ALOX12: variants seen among roughly 807,000 people sequenced by gnomAD.
ALOX12 encodes polyunsaturated fatty acid lipoxygenase ALOX12.
Under a neutral mutation model 85.5 loss-of-function variants are expected in ALOX12, and 62 were observed. That is an observed-to-expected ratio of 0.73 (90% confidence interval 0.59 to 0.90). ALOX12 has a LOEUF of 0.90. Ranked by LOEUF, ALOX12 falls within the 40% of genes least tolerant of loss-of-function variation. The pLI is 0.00. For synonymous variants in ALOX12, 299 were observed against 332.7 expected (o/e 0.90, Z 1.10); for missense variants, 751 against 856.5 (o/e 0.88, Z 1.54).
intron 7 of ALOX12, 111 bp from the exon 8 acceptor site, chr17:7,001,491 C>T: frequency 1.7e-6 from 2 of 1,150,310 alleles, no homozygotes; most frequent in South Asian, 1.4e-5. Context: ...TCCTGCTAGA[C>T]TATAACCTCC....
rs780097791 is a variant in ALOX12 at position 7,005,995 on chromosome 17, T to C, written c.1386T>C (p.His462=). The C allele has an allele frequency of 3.9e-6, 6 of 1,558,024 alleles. No homozygotes were observed. The highest frequency in any genetic ancestry group is 5.2e-6 in the Non-Finnish European group (6 of 1,152,644). Residue 462 remains histidine (H), a synonymous_variant, in exon 10 of 14, where the codon CAT becomes CAC. Transcript: ENST00000251535. ...GACTCCCAGGTGCTCTCTATGCCCA[T>C]GATGCTTTACGGCTCTGGGAGATCA... The part of the protein sequence containing the change: ...LLGLPGALYA[H]DALRLWEIIA...
rs140442741 is a variant in ALOX12 at position 7,000,250 on chromosome 17, G to A, written c.808-86G>A. 17 of 1,489,838 alleles carry A rather than the reference G, an allele frequency of 1.1e-5. 1 individual carries two copies. Among genetic ancestry groups the A allele is most frequent in the Admixed American group, 5.4e-5 (3 of 56,064 alleles). The allele number at this position is 1,489,838 out of a possible 1,614,324, so 92.3% of individuals were successfully genotyped here. On this transcript the variant is annotated intron_variant, in intron 6 of 13. Coordinates refer to ENST00000251535, the MANE Select transcript of ALOX12 (RefSeq NM_000697.3). This position sits in a 1 kb window ranked among gnomAD's most constrained non-coding sequence, Gnocchi z 4.6. ...TACTGATGCAGGAGAATGGCAAGAA[G>A]CTAGACTAAATCTCTTGCCCTTTGC... is the stretch of plus-strand genomic sequence containing the variant.
intron 8 of ALOX12, among the ~76,000 whole-genome samples, chr17:7,004,632 G>C (rs1024454531): frequency 1.4e-4 from 22 of 151,976 alleles, no homozygotes; most frequent in Non-Finnish European, 2.5e-4. Flanking sequence ...TTAAGTAGGG[G>C]TGGAGAAAGA....
Position 7,005,941 on chromosome 17 carries a change from T to C in ALOX12, c.1332T>C (p.Pro444=). 6.2e-7 allele frequency: 1 copy of C among 1,613,364 alleles called. No individual in the cohort carries two copies. Among genetic ancestry groups the C allele is most frequent in the African/African-American group, 1.3e-5 (1 of 74,836 alleles). The change falls in exon 10 of 14, where the codon CCT becomes CCC. Residue 444 remains proline (P), a synonymous_variant. Coordinates refer to ENST00000251535, the MANE Select transcript of ALOX12 (RefSeq NM_000697.3). ...TGACCTACTGCTCCCTCTGTCCTCC[T>C]GACGACCTGGCTGACCGGGGCCTGC... The part of the protein sequence containing the change: ...AQLTYCSLCP[P]DDLADRGLLG...
In ALOX12 at chr17:7,010,115, C is replaced by T. The variant is rs1448183161; in HGVS notation, c.1801C>T (p.Gln601Ter). Reference protein sequence around the residue: ...MAISWHLSRRQPDMVPLGHHK... With the variant: ...MAISWHLSRR The stretch of plus-strand genomic sequence containing the variant: ...CATCTCATGGCATCTGAGTCGCCGC[C>T]AGCCAGACATGGTGAGAGGGGACTC... The change falls in exon 13 of 14, where the codon CAG becomes TAG. Residue 601 changes from glutamine (Q) to a stop codon, truncating the protein, a stop_gained. Coordinates refer to ENST00000251535, the MANE Select transcript of ALOX12 (RefSeq NM_000697.3). LOFTEE classifies it high-confidence loss of function. 4.3e-6 allele frequency: 7 copies of T among 1,611,882 alleles called. No individual in the cohort carries two copies. The highest frequency in any genetic ancestry group is 5.9e-6 in the Non-Finnish European group (7 of 1,178,604).
At chr17:6,997,107 C>G (rs1908486155) in intron 2 of ALOX12, 80 bp downstream of exon 2, 1 of 1,464,778 alleles carries the variant, frequency 6.8e-7, no homozygotes, top group Admixed American at 2.2e-5. Context: ...TAAGGACGGT[C>G]GGAGCAGACT....
chr17:7,010,642 T>C lies in ALOX12; in HGVS notation c.*219T>C, dbSNP rs538434135. The C allele has an allele frequency of 1.0e-4, 52 of 496,174 alleles. No individual in the cohort carries two copies. Among genetic ancestry groups the C allele is most frequent in the Admixed American group, 5.1e-4 (14 of 27,228 alleles). 30.7% of individuals were successfully genotyped at this position (496,174 alleles called of 1,614,324 possible). A position where few individuals can be genotyped will look rare whatever the true frequency, so the allele number is the denominator to read the frequency against. ...CTTTGCAGACCGCATAGTCACTGTCTCAACTACTCAGCTCTCCTGCTGCAG... is the reference window on the plus strand; with the variant it reads ...CTTTGCAGACCGCATAGTCACTGTCCCAACTACTCAGCTCTCCTGCTGCAG... On this transcript the variant is annotated 3_prime_UTR_variant, in exon 14 of 14. Transcript: ENST00000251535.
rs1908672000 is a variant in ALOX12, at chr17:7,000,861, C to T, written c.951+382C>T. The stretch of plus-strand genomic sequence containing the variant: ...CAAAGTGATGCTGACACTACCAGTT[C>T]AGGACTACACTTTCAGAATCACTAT... On this transcript the variant is annotated intron_variant, in intron 7 of 13. Transcript: ENST00000251535. This position sits in a 1 kb window ranked among gnomAD's most constrained non-coding sequence, Gnocchi z 4.6. 1.3e-5 allele frequency among the ~76,000 whole-genome samples: 2 copies of T among 152,172 alleles called. No individual in the cohort carries two copies. The highest frequency in any genetic ancestry group is 1.3e-4 in the Admixed American group (2 of 15,284).
intron 10 of ALOX12, 32 bp downstream of exon 10, chr17:7,006,059 C>CGGGGGGGGGGGGGGG (rs1491546294): frequency 3.7e-5 from 5 of 135,680 alleles, no homozygotes; most frequent in South Asian, 2.4e-4. Flanking sequence ...AATGGTGGGG[C>CGGGGGGGGGGGGGGG]CGGGGGGGGG....
At position 6,998,579 on chromosome 17, in the gene ALOX12, G is replaced by A. The variant is rs755014379; in HGVS notation, c.408G>A (p.Gln136=). 3.7e-6 allele frequency: 6 copies of A among 1,613,522 alleles called. No individual in the cohort carries two copies. In the Admixed American group the frequency reaches 5.0e-5, roughly 13 times the overall value. Residue 136 remains glutamine (Q), a synonymous_variant, in exon 3 of 14, where the codon CAG becomes CAA. Transcript: ENST00000251535. ...GAGAGAAGGAACTGAAAGACAGACAGCAGATCTACTGGTGACCACCCACCC... is the reference window on the plus strand; with the variant it reads ...GAGAGAAGGAACTGAAAGACAGACAACAGATCTACTGGTGACCACCCACCC... ...KHREKELKDR[Q]QIYCWATWKE... is the part of the protein sequence containing the mutation.
At chr17:7,001,855 G>A in intron 8 of ALOX12, 44 bp downstream of exon 8, 2 of 1,546,254 alleles carry the variant, frequency 1.3e-6, no homozygotes, top group Non-Finnish European at 1.8e-6. Flanking sequence ...AGACCCCAGA[G>A]AGAGGAACAG....
intron 11 of ALOX12, 140 bp from the exon 12 acceptor site, chr17:7,009,607 T>G: frequency 1.3e-6 from 1 of 759,692 alleles, no homozygotes; most frequent in Non-Finnish European, 2.2e-6. Context: ...GAGCCAGGAC[T>G]TAAACGCATG....
At position 7,010,534 on chromosome 17, in the gene ALOX12, C is replaced by G; in HGVS notation, c.*111C>G. The G allele has an allele frequency of 7.7e-7, 1 of 1,290,978 alleles. No individual in the cohort carries two copies. The highest frequency in any genetic ancestry group is 1.0e-6 in the Non-Finnish European group (1 of 956,080). The allele number at this position is 1,290,978 out of a possible 1,614,324, so 80.0% of individuals were successfully genotyped here. ...CTGCTGCTAAGGCTCTATTTCCTCC[C>G]CCAGTTAAACCCCCTACATTAGTAT... On this transcript the variant is annotated 3_prime_UTR_variant, in exon 14 of 14. Transcript: ENST00000251535.
rs1266734057 is a variant in ALOX12 at position 7,001,438 on chromosome 17, G to A, written c.952-164G>A. 4 of 702,820 alleles carry A rather than the reference G, an allele frequency of 5.7e-6. 1 individual carries two copies. The highest frequency in any genetic ancestry group is 8.3e-4 in the Middle Eastern group (2 of 2,412). The allele number at this position is 702,820 out of a possible 1,614,324, so 43.5% of individuals were successfully genotyped here. ...CTCCTGCCTTCCACCTGACATCAGG[G>A]CACTCCAGCTAGCGAGCGGCAGGCT... On this transcript the variant is annotated intron_variant, in intron 7 of 13. Transcript: ENST00000251535.
At position 7,002,428 on chromosome 17, in the gene ALOX12, G is replaced by T. The variant is rs973234580; in HGVS notation, c.1161+617G>T. 6.7e-5 allele frequency: 31 copies of T among 461,028 alleles called. No individual in the cohort carries two copies. In the Admixed American group the frequency reaches 7.7e-4, roughly 11 times the overall value. 28.6% of individuals were successfully genotyped at this position (461,028 alleles called of 1,614,324 possible). A position where few individuals can be genotyped will look rare whatever the true frequency, so the allele number is the denominator to read the frequency against. Reference sequence around the variant, plus strand: ...CTGGGTGCAAGAGAGAGAAAAGCCAGAAGTCCAAGCTTCTGCCACACCTGT... The same window carrying T: ...CTGGGTGCAAGAGAGAGAAAAGCCATAAGTCCAAGCTTCTGCCACACCTGT... On this transcript the variant is annotated intron_variant, in intron 8 of 13. Transcript: ENST00000251535.
intron 11 of ALOX12, among the ~76,000 whole-genome samples, chr17:7,008,548 C>T (rs749512724): frequency 2.0e-5 from 3 of 152,184 alleles, no homozygotes; most frequent in Non-Finnish European, 4.4e-5. Flanking sequence ...GAGTTCCAGA[C>T]CAGCCTAGCC....
At position 7,006,061 on chromosome 17, in the gene ALOX12, G is replaced by GTT. The variant is rs768803844; in HGVS notation, c.1418+34_1418+35insTT. 43 of 146,500 alleles carry GTT rather than the reference G, an allele frequency of 2.9e-4. 6 individuals carry two copies. Among genetic ancestry groups the GTT allele is most frequent in the South Asian group, 6.1e-4 (13 of 21,218 alleles). 9.1% of individuals were successfully genotyped at this position (146,500 alleles called of 1,614,324 possible). ...GGAGGAGCTGAGAAATGGTGGGGCC[G>GTT]GGGGGGGGGGGGGCTCTGGCCTGAG... On this transcript the variant is annotated intron_variant, in intron 10 of 13. Coordinates refer to ENST00000251535, the MANE Select transcript of ALOX12 (RefSeq NM_000697.3).
rs763387284 is a variant in ALOX12 at position 7,000,439 on chromosome 17, A to T, written c.911A>T (p.Lys304Met). 10 of 1,614,116 alleles carry T rather than the reference A, an allele frequency of 6.2e-6. No individual in the cohort carries two copies. Among genetic ancestry groups the T allele is most frequent in the Non-Finnish European group, 8.5e-6 (10 of 1,180,004 alleles). ...CTGGCTGCCCCCCTCGTTATGCTGA[A>T]GATGGAGCCCAATGGGAAGCTGCAG... Reference protein sequence around the residue: ...QYLAAPLVMLKMEPNGKLQPM... With the variant: ...QYLAAPLVMLMMEPNGKLQPM... Residue 304 changes from lysine (K) to methionine (M), a missense_variant, in exon 7 of 14, where the codon AAG (lysine) becomes ATG (methionine). Coordinates refer to ENST00000251535, the MANE Select transcript of ALOX12 (RefSeq NM_000697.3). The surrounding 1 kb of genome is among the most constrained non-coding windows in gnomAD (Gnocchi z 4.6).
In ALOX12 at chr17:7,009,766, G is replaced by C. The variant is rs960748763; in HGVS notation, c.1560G>C (p.Gln520His). The C allele has an allele frequency of 6.2e-7, 1 of 1,614,096 alleles. No individual in the cohort carries two copies. The highest frequency in any genetic ancestry group is 1.3e-5 in the African/African-American group (1 of 75,002). Residue 520 changes from glutamine (Q) to histidine (H), a missense_variant, in exon 12 of 14, where the codon CAG becomes CAC. Coordinates refer to ENST00000251535, the MANE Select transcript of ALOX12 (RefSeq NM_000697.3). ...AQDRGFPVSF[Q>H]SQSQLCHFLT... ...GCCCAGGTTTCCCTGTCTCCTTCCA[G>C]TCCCAGAGTCAACTCTGCCATTTCC...
Sources: allele counts gnomAD v4.1 joint callset (sites outside exome capture counted in the v4.1 genomes callset), GRCh38; gene constraint gnomAD v4.1.1; non-coding constraint Gnocchi (gnomAD v3.1); transcripts MANE v1.5; gene names NCBI Gene and HGNC (gene_info 2026-07-23, HGNC 2026-07-21).